RNLS: variants seen among roughly 807,000 people sequenced by gnomAD.
RNLS encodes renalase.
Under a neutral mutation model 39.8 loss-of-function variants are expected in RNLS, and 39 were observed. The observed-to-expected ratio is 0.98, with a 90% CI of 0.76 to 1.28. RNLS has a LOEUF of 1.28. Among genes scored for constraint, RNLS ranks in the 50% most tolerant of loss-of-function variants. RNLS has a pLI of 0.00. For missense variants in RNLS, 410 were observed against 413.3 expected (o/e 0.99, Z 0.07); for synonymous variants, 147 against 150.7 (o/e 0.98, Z 0.18).
chr10:88,206,480 A>G, the RNLS span, among the ~76,000 whole-genome samples: 2 of 152,174 alleles, frequency 1.3e-5, no homozygotes, highest in Non-Finnish European at 2.9e-5. Context: ...TTAATTAGAC[A>G]AGTGCTTTTG....
chr10:88,453,086 G>A (rs970771355), intron 4 of RNLS, among the ~76,000 whole-genome samples: 4 of 152,176 alleles, frequency 2.6e-5, no homozygotes, highest in Non-Finnish European at 5.9e-5. Context: ...TGCAGTGGCA[G>A]GAGCTGTAGC....
chr10:88,557,209 G>A (rs1381980542), intron 4 of RNLS, among the ~76,000 whole-genome samples: 1 of 152,118 alleles, frequency 6.6e-6, no homozygotes, highest in African/African-American at 2.4e-5. Flanking sequence ...AAAAGTCACA[G>A]AAATAGAAAG....
the RNLS span, among the ~76,000 whole-genome samples, chr10:88,235,105 C>T: frequency 6.6e-6 from 1 of 151,428 alleles, no homozygotes; most frequent in Admixed American, 6.6e-5. Context: ...ACTAAAAATA[C>T]AAAAAAATTA....
intron 4 of RNLS, among the ~76,000 whole-genome samples, chr10:88,502,060 G>GT (rs746954360): frequency 1.4e-3 from 212 of 152,174 alleles, no homozygotes; most frequent in Non-Finnish European, 2.3e-3. Flanking sequence ...TGCCTTACTT[G>GT]TAAGGGTGTC....
chr10:88,237,297 C>T, the RNLS span, among the ~76,000 whole-genome samples: 3 of 143,548 alleles, frequency 2.1e-5, no homozygotes, highest in Non-Finnish European at 4.5e-5. Flanking sequence ...TCCTTCCTCC[C>T]TCCCTCCCTT....
the RNLS span, among the ~76,000 whole-genome samples, chr10:88,193,003 A>G: frequency 6.6e-6 from 1 of 152,166 alleles, no homozygotes; most frequent in Non-Finnish European, 1.5e-5. Context: ...CATTCCTGAC[A>G]TCGAAGTATA....
intron 4 of RNLS, among the ~76,000 whole-genome samples, chr10:88,475,385 T>A (rs1843755755): frequency 6.6e-6 from 1 of 152,182 alleles, no homozygotes. Context: ...ATCTTCTCCC[T>A]AAAAATTCTT....
the RNLS span, among the ~76,000 whole-genome samples, chr10:88,209,550 T>G: frequency 6.6e-6 from 1 of 152,180 alleles, no homozygotes; most frequent in Non-Finnish European, 1.5e-5. Context: ...ATACCTTGAT[T>G]TCAAATTACT....
intron 4 of RNLS, among the ~76,000 whole-genome samples, chr10:88,452,779 G>A (rs1298853112): frequency 1.3e-5 from 2 of 152,144 alleles, no homozygotes; most frequent in African/African-American, 2.4e-5. Flanking sequence ...AACCAACATG[G>A]ATCATCAGGC....
the RNLS span, among the ~76,000 whole-genome samples, chr10:88,247,647 C>T: frequency 2.0e-5 from 3 of 152,306 alleles, no homozygotes; most frequent in East Asian, 5.8e-4. Flanking sequence ...GACTAATAGC[C>T]TCCCAAAGAT....
chr10:88,272,793 T>TGCAAAATTGCTTTGAATC (rs1842685113), downstream of RNLS, among the ~76,000 whole-genome samples: 1 of 152,230 alleles, frequency 6.6e-6, no homozygotes, highest in African/African-American at 2.4e-5. Context: ...ACCTTTGAAT[T>TGCAAAATTGCTTTGAATC]GCAAAATTGC....
chr10:88,208,067 A>C, the RNLS span, among the ~76,000 whole-genome samples: 2 of 152,128 alleles, frequency 1.3e-5, no homozygotes, highest in Admixed American at 6.6e-5. Context: ...ACATCAAGCG[A>C]CTGAAATGTC....
In RNLS at chr10:88,493,137, G is replaced by A. The variant is rs182844202; in HGVS notation, c.526+79766C>T. Reference sequence around the variant, plus strand: ...ACCAGTACATGTTATTTCTGCTCTGGCATGTGTTCTACTTGTAAACCAGCT... The same window carrying A: ...ACCAGTACATGTTATTTCTGCTCTGACATGTGTTCTACTTGTAAACCAGCT... On this transcript the variant is annotated intron_variant, in intron 4 of 6. Coordinates refer to ENST00000331772, the MANE Select transcript of RNLS (RefSeq NM_001031709.3). Among the ~76,000 whole-genome samples, 29 of 151,918 alleles carry A rather than the reference G, an allele frequency of 1.9e-4. No homozygotes were observed. The East Asian group carries it at 5.0e-3, about 26-fold the overall frequency.
intron 4 of RNLS, among the ~76,000 whole-genome samples, chr10:88,530,908 G>C (rs1847385268): frequency 6.6e-6 from 1 of 152,054 alleles, no homozygotes; most frequent in African/African-American, 2.4e-5. Context: ...GAAACAAAGA[G>C]GGAGCACCAA....
At chr10:88,310,493 A>G (rs949060595) in intron 6 of RNLS, among the ~76,000 whole-genome samples, 1 of 152,028 alleles carries the variant, frequency 6.6e-6, no homozygotes, top group Non-Finnish European at 1.5e-5. Flanking sequence ...TTAAAAATTC[A>G]TGATCCTTCT....
At chr10:88,307,663 T>C (rs1288375705) in intron 6 of RNLS, among the ~76,000 whole-genome samples, 1 of 152,042 alleles carries the variant, frequency 6.6e-6, no homozygotes, top group Non-Finnish European at 1.5e-5. Context: ...AAAACACTGC[T>C]CCAAGAAGAC....
chr10:88,208,589 G>A, the RNLS span, among the ~76,000 whole-genome samples: 4 of 151,976 alleles, frequency 2.6e-5, no homozygotes, highest in Admixed American at 6.6e-5. Context: ...GTATGGCAAA[G>A]GTAATATTTC....
At chr10:88,399,275 G>A (rs750513348) in intron 4 of RNLS, among the ~76,000 whole-genome samples, 1 of 151,998 alleles carries the variant, frequency 6.6e-6, no homozygotes, top group African/African-American at 2.4e-5. Flanking sequence ...ACTCCTAGGT[G>A]TATACCGAAG....
At chr10:88,347,545 CCTAT>C (rs1195346381) in intron 5 of RNLS, among the ~76,000 whole-genome samples, 1 of 152,060 alleles carries the variant, frequency 6.6e-6, no homozygotes, top group Admixed American at 6.6e-5. Context: ...CCATAACGTT[CCTAT>C]CTAAGTTCAT....
Sources: gnomAD v4.1 joint callset for allele counts (sites outside exome capture counted in the v4.1 genomes callset) on GRCh38, gnomAD v4.1.1 for gene constraint, MANE v1.5 for transcripts, NCBI Gene and HGNC (gene_info 2026-07-23, HGNC 2026-07-21) for gene names.